The following CAMK2D variants were observed in gnomAD, a reference collection of about 807,000 sequenced individuals.
The protein encoded by CAMK2D is calcium/calmodulin dependent protein kinase II delta.
In CAMK2D, 37 loss-of-function variants were observed where a neutral mutation model predicts 84.0. The observed-to-expected ratio is 0.44, with a 90% CI of 0.34 to 0.58. The LOEUF (loss-of-function observed/expected upper bound fraction) is 0.58, where lower values mean the gene tolerates loss of function less well. Ranked by LOEUF, CAMK2D falls within the 20% of genes least tolerant of loss-of-function variation. The probability of loss-of-function intolerance (pLI) is 0.02; values close to 1 mark genes in which losing one functional copy is unlikely to be tolerated. For synonymous variants in CAMK2D, 202 were observed against 212.5 expected (o/e 0.95, Z 0.43); for missense variants, 448 against 652.5 (o/e 0.69, Z 3.41).
Position 113,504,961 on chromosome 4 carries a change from A to T in CAMK2D, c.1044+15T>A. On this transcript the variant is annotated intron_variant, in intron 14 of 20. Coordinates refer to ENST00000511664, the MANE Select transcript of CAMK2D (RefSeq NM_001321571.2). ...GTAAAGAACTTAAGAAGGGTTACAA[A>T]GAGTCCAGGTATACCAGCGCTGGGG... 6.7e-7 allele frequency: 1 copy of T among 1,498,794 alleles called. No homozygotes were observed. The highest frequency in any genetic ancestry group is 8.9e-7 in the Non-Finnish European group (1 of 1,122,062). The allele number at this position is 1,498,794 out of a possible 1,614,324, so 92.8% of individuals were successfully genotyped here. A position where few individuals can be genotyped will look rare whatever the true frequency, so the allele number is the denominator to read the frequency against.
chr4:113,456,545 C>T (rs2097306161), intron 19 of CAMK2D: 1 of 152,158 alleles, frequency 6.6e-6, no homozygotes, highest in Non-Finnish European at 1.5e-5. Context: ...GTCTATGTCT[C>T]TAAATTCTAC....
intron 4 of CAMK2D, among the ~76,000 whole-genome samples, chr4:113,571,926 A>G (rs555352338): frequency 6.6e-6 from 1 of 152,342 alleles, no homozygotes; most frequent in Admixed American, 6.5e-5. Context: ...GAGACAATAA[A>G]TTCAATTAAC....
chr4:113,726,629 C>T (rs1323495366), intron 2 of CAMK2D, among the ~76,000 whole-genome samples: 1 of 151,826 alleles, frequency 6.6e-6, no homozygotes, highest in East Asian at 1.9e-4. Context: ...GTCTTGAACT[C>T]CCTAGGCCTC....
intron 3 of CAMK2D, among the ~76,000 whole-genome samples, chr4:113,609,407 T>A (rs1281182726): frequency 1.3e-5 from 2 of 152,158 alleles, no homozygotes; most frequent in Non-Finnish European, 1.5e-5. Flanking sequence ...TGAAAACTGG[T>A]AACTATGTGA....
chr4:113,676,575 A>T (rs1561771648), intron 2 of CAMK2D, among the ~76,000 whole-genome samples: 1 of 152,214 alleles, frequency 6.6e-6, no homozygotes, highest in African/African-American at 2.4e-5. Flanking sequence ...AGGAGTTAAA[A>T]ATATACCATT....
chr4:113,694,417 C>A (rs935140180), intron 2 of CAMK2D, among the ~76,000 whole-genome samples: 1 of 152,118 alleles, frequency 6.6e-6, no homozygotes, highest in Non-Finnish European at 1.5e-5. Flanking sequence ...GCATCGTGCA[C>A]ATCACTAAAA....
intron 3 of CAMK2D, among the ~76,000 whole-genome samples, chr4:113,639,846 A>C (rs932439327): frequency 5.9e-5 from 9 of 152,232 alleles, no homozygotes; most frequent in African/African-American, 1.9e-4. Flanking sequence ...TTAGCCTGAT[A>C]AATTAGGGAG....
At chr4:113,692,493 T>G (rs1362844514) in intron 2 of CAMK2D, among the ~76,000 whole-genome samples, 1 of 152,144 alleles carries the variant, frequency 6.6e-6, no homozygotes, top group Non-Finnish European at 1.5e-5. Flanking sequence ...CATATTCATA[T>G]ATTCATACAT....
intron 4 of CAMK2D, among the ~76,000 whole-genome samples, chr4:113,565,108 G>C (rs2098716096): frequency 6.6e-6 from 1 of 152,142 alleles, no homozygotes. Context: ...TCAATCTCCT[G>C]TCAGACCACA....
At chr4:113,708,852 G>A (rs1203128984) in intron 2 of CAMK2D, among the ~76,000 whole-genome samples, 2 of 152,090 alleles carry the variant, frequency 1.3e-5, no homozygotes, top group Non-Finnish European at 2.9e-5. Flanking sequence ...AGCCTCCTAA[G>A]TAGCTGAGAC....
At chr4:113,598,107 A>C (rs1295224885) in intron 4 of CAMK2D, among the ~76,000 whole-genome samples, 1 of 152,236 alleles carries the variant, frequency 6.6e-6, no homozygotes, top group Non-Finnish European at 1.5e-5. Flanking sequence ...CAAAGATAGA[A>C]GACTGACACT....
intron 2 of CAMK2D, among the ~76,000 whole-genome samples, chr4:113,698,631 G>T (rs2099409769): frequency 6.6e-6 from 1 of 151,966 alleles, no homozygotes; most frequent in Non-Finnish European, 1.5e-5. Flanking sequence ...GTAGAGAAAA[G>T]AAAAAGTAAC....
chr4:113,744,852 C>T (rs556026926), intron 2 of CAMK2D, among the ~76,000 whole-genome samples: 10 of 152,266 alleles, frequency 6.6e-5, no homozygotes, highest in African/African-American at 2.4e-4. Flanking sequence ...AGGACCACAC[C>T]CAATTTTCAA....
intron 16 of CAMK2D, among the ~76,000 whole-genome samples, chr4:113,496,221 G>T (rs978777612): frequency 1.3e-5 from 2 of 152,180 alleles, no homozygotes; most frequent in Non-Finnish European, 2.9e-5. Context: ...AAGAGCTAAT[G>T]ATGACAGCTG....
intron 3 of CAMK2D, among the ~76,000 whole-genome samples, chr4:113,612,503 C>T (rs2154269089): frequency 6.6e-6 from 1 of 152,310 alleles, no homozygotes; most frequent in South Asian, 2.1e-4. Context: ...ACTGCAGATG[C>T]TGCATTTTGA....
Position 113,513,928 on chromosome 4 carries a change from G to C in CAMK2D, c.820-15C>G, listed in dbSNP as rs1472116860. On this transcript the variant is annotated splice_polypyrimidine_tract_variant and intron_variant, in intron 10 of 20. Transcript: ENST00000511664. ...GTAGAACGTTGCTAGAAGAAGAGGA[G>C]AAAAAGTAACTTAATTGAGAATATT... 2.2e-6 allele frequency: 3 copies of C among 1,339,270 alleles called. No individual in the cohort carries two copies. Among genetic ancestry groups the C allele is most frequent in the Middle Eastern group, 1.8e-4 (1 of 5,420 alleles). 83.0% of individuals were successfully genotyped at this position (1,339,270 alleles called of 1,614,324 possible).
At chr4:113,525,407 T>A (rs1269282663) in intron 8 of CAMK2D, among the ~76,000 whole-genome samples, 4 of 152,142 alleles carry the variant, frequency 2.6e-5, no homozygotes, top group Non-Finnish European at 5.9e-5. Flanking sequence ...CCTCATCCCA[T>A]TAGGAAATTA....
At chr4:113,533,838 C>A (rs2098473046) in intron 7 of CAMK2D, among the ~76,000 whole-genome samples, 1 of 149,592 alleles carries the variant, frequency 6.7e-6, no homozygotes. Context: ...TCCAACAGAC[C>A]AGACTAGAAA....
chr4:113,676,770 G>A (rs2099319831), intron 2 of CAMK2D, among the ~76,000 whole-genome samples: 1 of 152,130 alleles, frequency 6.6e-6, no homozygotes, highest in African/African-American at 2.4e-5. Flanking sequence ...TACAGACCTT[G>A]CTAAAATAGC....
Sources: allele counts gnomAD v4.1 joint callset (sites outside exome capture counted in the v4.1 genomes callset), GRCh38; gene constraint gnomAD v4.1.1; transcripts MANE v1.5; gene names NCBI Gene and HGNC (gene_info 2026-07-23, HGNC 2026-07-21).